Variants in MEI4 observed in about 807,000 individuals in gnomAD.
The protein encoded by MEI4 is meiosis-specific protein MEI4.
MEI4 carries 27 observed loss-of-function variants against 31.4 expected under a neutral mutation model. The ratio of observed to expected loss-of-function variants is 0.86; its 90% CI spans 0.63 to 1.19. The LOEUF (loss-of-function observed/expected upper bound fraction) is 1.19. Ranked by LOEUF, MEI4 falls within the 50% of genes most tolerant of loss-of-function variation. The pLI is 0.00. For synonymous variants in MEI4, 122 were observed against 145.4 expected (o/e 0.84, Z 1.16); for missense variants, 329 against 398.9 (o/e 0.82, Z 1.49).
intron 2 of MEI4, among the ~76,000 whole-genome samples, chr6:77,727,147 C>T (rs1022419084): frequency 6.6e-6 from 1 of 152,024 alleles, no homozygotes; most frequent in African/African-American, 2.4e-5. Flanking sequence ...TCTGGACCCT[C>T]CAGGGTTAGT....
intron 4 of MEI4, among the ~76,000 whole-genome samples, chr6:77,854,338 A>C (rs1258167893): frequency 6.7e-6 from 1 of 148,366 alleles, no homozygotes; most frequent in Non-Finnish European, 1.5e-5. Context: ...TAAAAAAAAC[A>C]AAACCAAAAC....
intron 3 of MEI4, among the ~76,000 whole-genome samples, chr6:77,791,969 A>T (rs1768949700): frequency 6.6e-6 from 1 of 152,166 alleles, no homozygotes; most frequent in African/African-American, 2.4e-5. Context: ...CCCTGCACTG[A>T]TAACCACCAT....
At position 77,923,640 on chromosome 6, in the gene MEI4, TTGTC is replaced by T. The variant is rs1206703120; in HGVS notation, c.*299_*302del. 1.6e-5 allele frequency: 3 copies of T among 191,164 alleles called. No homozygotes were observed. The highest frequency in any genetic ancestry group is 3.2e-5 in the Non-Finnish European group (3 of 94,396). The allele number at this position is 191,164 out of a possible 1,614,324, so 11.8% of individuals were successfully genotyped here. On this transcript the variant is annotated 3_prime_UTR_variant, in exon 5 of 5. Coordinates refer to ENST00000684080, the MANE Select transcript of MEI4 (RefSeq NM_001322247.2). ...ATTATTCTGTAAAATGGACCATTAA[TTGTC>T]TGTCCCTTAAAAGATATTGAAGTTG...
At chr6:77,741,477 A>G (rs1380709988) in intron 2 of MEI4, among the ~76,000 whole-genome samples, 1 of 152,154 alleles carries the variant, frequency 6.6e-6, no homozygotes, top group Non-Finnish European at 1.5e-5. Context: ...AAGAGATCAT[A>G]ATGATGTGGA....
chr6:77,746,146 C>G (rs1218981911), intron 2 of MEI4, among the ~76,000 whole-genome samples: 2 of 152,070 alleles, frequency 1.3e-5, no homozygotes, highest in African/African-American at 2.4e-5. Flanking sequence ...GAAATAGAGA[C>G]ACAAAAAACC....
At chr6:77,734,631 A>G (rs554077855) in intron 2 of MEI4, among the ~76,000 whole-genome samples, 6 of 151,660 alleles carry the variant, frequency 4.0e-5, no homozygotes, top group Non-Finnish European at 7.4e-5. Flanking sequence ...CATTTAGTCC[A>G]TTTACATTTA....
At chr6:77,697,776 A>G (rs914127980) in intron 2 of MEI4, among the ~76,000 whole-genome samples, 11 of 152,150 alleles carry the variant, frequency 7.2e-5, no homozygotes, top group East Asian at 3.9e-4. Flanking sequence ...GTAGATGTCT[A>G]TTAGGTCCGC....
At chr6:77,842,691 C>A (rs929211470) in intron 4 of MEI4, among the ~76,000 whole-genome samples, 1 of 151,908 alleles carries the variant, frequency 6.6e-6, no homozygotes, top group Non-Finnish European at 1.5e-5. Context: ...TCCCACAGTA[C>A]AAGCATTTGA....
At chr6:77,730,253 G>C (rs970731466) in intron 2 of MEI4, among the ~76,000 whole-genome samples, 2 of 152,146 alleles carry the variant, frequency 1.3e-5, no homozygotes, top group African/African-American at 4.8e-5. Context: ...CCTCATGGTA[G>C]CATTCACACA....
At chr6:77,724,807 G>T (rs1249712635) in intron 2 of MEI4, among the ~76,000 whole-genome samples, 5 of 146,548 alleles carry the variant, frequency 3.4e-5, no homozygotes, top group Non-Finnish European at 1.5e-5. Flanking sequence ...ATCACCTCCT[G>T]TAATTGATTA....
intron 2 of MEI4, among the ~76,000 whole-genome samples, chr6:77,716,587 G>T (rs77034842): frequency 1.3e-5 from 2 of 152,002 alleles, no homozygotes; most frequent in African/African-American, 4.8e-5. Context: ...CCTGGGATTG[G>T]CAAAAAAGGG....
intron 2 of MEI4, among the ~76,000 whole-genome samples, chr6:77,707,381 T>C (rs892384464): frequency 1.3e-5 from 2 of 152,182 alleles, no homozygotes; most frequent in Non-Finnish European, 2.9e-5. Flanking sequence ...CTGTGGCTGC[T>C]TCTAACTGCC....
intron 4 of MEI4, among the ~76,000 whole-genome samples, chr6:77,891,830 C>A (rs925327186): frequency 6.6e-6 from 1 of 152,116 alleles, no homozygotes; most frequent in Non-Finnish European, 1.5e-5. Flanking sequence ...GATTATTTTG[C>A]TTTGAATGTG....
chr6:77,801,808 G>A (rs1438188809), intron 3 of MEI4, among the ~76,000 whole-genome samples: 2 of 152,172 alleles, frequency 1.3e-5, no homozygotes, highest in African/African-American at 4.8e-5. Context: ...TGAATCCTGA[G>A]TTGTAGTTTG....
chr6:77,743,146 A>C (rs1036652348), intron 2 of MEI4, among the ~76,000 whole-genome samples: 1 of 152,116 alleles, frequency 6.6e-6, no homozygotes, highest in Non-Finnish European at 1.5e-5. Flanking sequence ...AGTTTTTTCC[A>C]ACTCTGTGAA....
At chr6:77,815,153 A>C (rs762259096) in intron 3 of MEI4, among the ~76,000 whole-genome samples, 2 of 152,032 alleles carry the variant, frequency 1.3e-5, no homozygotes, top group Non-Finnish European at 2.9e-5. Flanking sequence ...AGTAGAGTGC[A>C]CTATCTCCAA....
chr6:77,813,786 C>G (rs1459598599), intron 3 of MEI4, among the ~76,000 whole-genome samples: 1 of 151,792 alleles, frequency 6.6e-6, no homozygotes, highest in African/African-American at 2.4e-5. Context: ...ATTTTTTAAC[C>G]TAGTTGGTAT....
intron 3 of MEI4, among the ~76,000 whole-genome samples, chr6:77,770,165 C>A (rs1409580645): frequency 6.6e-6 from 1 of 151,910 alleles, no homozygotes; most frequent in African/African-American, 2.4e-5. Flanking sequence ...CTCAGAAATT[C>A]AAAGTATCAT....
At chr6:77,666,689 T>C (rs1470861704) in intron 1 of MEI4, among the ~76,000 whole-genome samples, 1 of 152,208 alleles carries the variant, frequency 6.6e-6, no homozygotes, top group Non-Finnish European at 1.5e-5. Flanking sequence ...CTAGCCGTTA[T>C]GTTAGTCTTG....
Sources: allele counts gnomAD v4.1 joint callset (sites outside exome capture counted in the v4.1 genomes callset), GRCh38; gene constraint gnomAD v4.1.1; transcripts MANE v1.5; gene names NCBI Gene and HGNC (gene_info 2026-07-23, HGNC 2026-07-21).